The following IL10RB variants were observed in gnomAD, a reference collection of about 807,000 sequenced individuals.
IL10RB encodes interleukin 10 receptor subunit beta, also known as interleukin-10 receptor subunit beta.
Under a neutral mutation model 38.7 loss-of-function variants are expected in IL10RB, and 30 were observed. That is an observed-to-expected ratio of 0.78 (90% CI 0.58 to 1.05). The LOEUF is 1.05. Among genes scored for constraint, IL10RB ranks in the 50% least tolerant of loss-of-function variants. The probability of loss-of-function intolerance (pLI) is 0.00; values close to 1 mark genes in which losing one functional copy is unlikely to be tolerated. For synonymous variants in IL10RB, 142 were observed against 145.9 expected (o/e 0.97, Z 0.19); for missense variants, 328 against 397.1 (o/e 0.83, Z 1.48).
At chr21:33,278,265 C>T (rs775656012) in intron 3 of IL10RB, among the ~76,000 whole-genome samples, 3 of 151,986 alleles carry the variant, frequency 2.0e-5, no homozygotes, top group Non-Finnish European at 2.9e-5. Flanking sequence ...TTATGCCGGT[C>T]CCTGCTCTGG....
At chr21:33,290,437 G>A (rs779591933) in intron 6 of IL10RB, among the ~76,000 whole-genome samples, 1 of 152,108 alleles carries the variant, frequency 6.6e-6, no homozygotes, top group African/African-American at 2.4e-5. Flanking sequence ...GTGGTAGGCC[G>A]GATCTGCCCC....
chr21:33,267,504 T>TTGTTTG, intron 1 of IL10RB, among the ~76,000 whole-genome samples: 1 of 81,962 alleles, frequency 1.2e-5, no homozygotes, highest in Non-Finnish European at 3.0e-5. Flanking sequence ...GTTTGTTTGT[T>TTGTTTG]TTTTTGTTTT....
At chr21:33,279,460 G>T (rs949586892) in intron 3 of IL10RB, among the ~76,000 whole-genome samples, 1 of 152,096 alleles carries the variant, frequency 6.6e-6, no homozygotes, top group Non-Finnish European at 1.5e-5. Flanking sequence ...AATTTAAAAA[G>T]AAATCCTTAT....
At chr21:33,280,892 A>C (rs981894448) in intron 4 of IL10RB, among the ~76,000 whole-genome samples, 3 of 152,202 alleles carry the variant, frequency 2.0e-5, no homozygotes, top group African/African-American at 4.8e-5. Context: ...TTCCCCAAAA[A>C]ATGTTCCATT....
At chr21:33,290,553 C>A (rs1170063335) in intron 6 of IL10RB, among the ~76,000 whole-genome samples, 1 of 152,172 alleles carries the variant, frequency 6.6e-6, no homozygotes, top group Non-Finnish European at 1.5e-5. Flanking sequence ...TGAGGGTGAA[C>A]AGGGCCACTC....
downstream of IL10RB, among the ~76,000 whole-genome samples, chr21:33,299,733 G>A (rs2123610562): frequency 6.6e-6 from 1 of 152,330 alleles, no homozygotes; most frequent in South Asian, 2.1e-4. Context: ...TCTGCAGAGG[G>A]ATTTTTGCAT....
rs1442765573 is a variant in IL10RB, at chr21:33,266,426, G to C, written c.-40G>C. 1.3e-6 allele frequency: 2 copies of C among 1,536,704 alleles called. No individual in the cohort carries two copies. The highest frequency in any genetic ancestry group is 2.0e-5 in the Admixed American group (1 of 50,874). ...GCTCTCCCGGGCGCGGGCGGGGGTC[G>C]TGTGCTTGGAGGAAGCCGCGGAACC... On this transcript the variant is annotated 5_prime_UTR_variant, in exon 1 of 7. Transcript: ENST00000290200.
rs1229626026 is a variant in IL10RB at position 33,277,993 on chromosome 21, C to G, written c.331+1240C>G. Among the ~76,000 whole-genome samples, 16 of 148,296 alleles carry G rather than the reference C, an allele frequency of 1.1e-4. No individual in the cohort carries two copies. The South Asian group carries it at 3.2e-3, about 30-fold the overall frequency. ...TGTCCTTGAGCCCAGGAATTTAAGA[C>G]CAGCCTGGGCAACATGGTGAAACCC... On this transcript the variant is annotated intron_variant, in intron 3 of 6. Transcript: ENST00000290200.
At chr21:33,273,361 T>C (rs1989114369) in intron 2 of IL10RB, among the ~76,000 whole-genome samples, 1 of 152,234 alleles carries the variant, frequency 6.6e-6, no homozygotes, top group African/African-American at 2.4e-5. Flanking sequence ...ATGTTTATAC[T>C]GTAGTCCATT....
chr21:33,290,070 C>T (rs1025470969), intron 6 of IL10RB, among the ~76,000 whole-genome samples: 24 of 151,940 alleles, frequency 1.6e-4, no homozygotes, highest in African/African-American at 4.3e-4. Flanking sequence ...GCCAAGATCG[C>T]GCCACTGCAC....
At chr21:33,268,148 A>G in intron 1 of IL10RB, 2 of 1,270,142 alleles carry the variant, frequency 1.6e-6, no homozygotes, top group Non-Finnish European at 2.1e-6. Flanking sequence ...GCTTTCTGCC[A>G]CCAGACAAAT....
chr21:33,290,149 G>A (rs977502667), intron 6 of IL10RB, among the ~76,000 whole-genome samples: 2 of 150,912 alleles, frequency 1.3e-5, no homozygotes, highest in Non-Finnish European at 3.0e-5. Flanking sequence ...AAATTAACCC[G>A]GCATGCTGGC....
chr21:33,305,042 C>T (rs2082995484), intron 1 of IL10RB, among the ~76,000 whole-genome samples: 1 of 152,202 alleles, frequency 6.6e-6, no homozygotes, highest in Non-Finnish European at 1.5e-5. Flanking sequence ...GCCTATTCTA[C>T]TATTCTATGT....
intron 6 of IL10RB, among the ~76,000 whole-genome samples, chr21:33,294,424 A>G (rs1989552123): frequency 6.6e-6 from 1 of 151,724 alleles, no homozygotes; most frequent in African/African-American, 2.4e-5. Context: ...CGGGAGACTC[A>G]GCTGATACTG....
downstream of IL10RB, among the ~76,000 whole-genome samples, chr21:33,302,172 G>A (rs997669757): frequency 3.9e-5 from 6 of 152,238 alleles, no homozygotes; most frequent in African/African-American, 9.6e-5. Context: ...ACAGGGAATC[G>A]AGGTTCTCAA....
chr21:33,270,004 C>G (rs1024537652), intron 2 of IL10RB, among the ~76,000 whole-genome samples: 11 of 152,168 alleles, frequency 7.2e-5, no homozygotes, highest in African/African-American at 2.7e-4. Flanking sequence ...CCCTTCCTCT[C>G]TCTCTCTCAT....
chr21:33,275,413 C>T (rs1043256824), intron 2 of IL10RB, among the ~76,000 whole-genome samples: 48 of 152,158 alleles, frequency 3.2e-4, no homozygotes, highest in African/African-American at 1.1e-3. Context: ...ACCTCAGACT[C>T]ACAAAGTGCT....
rs372273461 is a variant in IL10RB, at chr21:33,275,742, C to A, written c.174-854C>A. ...GGGCCTGTTGTGGCCTGCAATATGCCTTCCTCACTAAGCTTAATCCTTTGC... is the reference window on the plus strand; with the variant it reads ...GGGCCTGTTGTGGCCTGCAATATGCATTCCTCACTAAGCTTAATCCTTTGC... On this transcript the variant is annotated intron_variant, in intron 2 of 6. Coordinates refer to ENST00000290200, the MANE Select transcript of IL10RB (RefSeq NM_000628.5). Among the ~76,000 whole-genome samples the A allele has an allele frequency of 6.2e-4, 94 of 152,378 alleles. 1 individual carries two copies. In the East Asian group the frequency reaches 0.015, roughly 24 times the overall value.
At position 33,282,344 on chromosome 21, in the gene IL10RB, C is replaced by T. The variant is rs561654514; in HGVS notation, c.499-750C>T. 2.0e-5 allele frequency among the ~76,000 whole-genome samples: 3 copies of T among 152,090 alleles called. No homozygotes were observed. The South Asian group carries it at 6.2e-4, about 32-fold the overall frequency. ...GGTCAGGAGTTCAAGACAAGCCTGG[C>T]CAACATGGCAAAACCCCGTCTCTAC... is the stretch of plus-strand genomic sequence containing the variant. On this transcript the variant is annotated intron_variant, in intron 4 of 6. Transcript: ENST00000290200.
Sources: gnomAD v4.1 joint callset for allele counts (sites outside exome capture counted in the v4.1 genomes callset) on GRCh38, gnomAD v4.1.1 for gene constraint, MANE v1.5 for transcripts, NCBI Gene and HGNC (gene_info 2026-07-23, HGNC 2026-07-21) for gene names.